Variants in CTNNA3 observed in about 807,000 individuals in gnomAD.
CTNNA3 encodes catenin alpha-3.
Under a neutral mutation model 95.7 loss-of-function variants are expected in CTNNA3, and 76 were observed. The observed-to-expected ratio is 0.79, with a 90% CI of 0.66 to 0.96. The LOEUF is 0.96. Among genes scored for constraint, CTNNA3 ranks in the 40% least tolerant of loss-of-function variants. The probability of loss-of-function intolerance (pLI) is 0.00; values close to 1 mark genes in which losing one functional copy is unlikely to be tolerated. For synonymous variants in CTNNA3, 431 were observed against 374.4 expected, an observed-to-expected ratio of 1.15 and a Z score of -1.74; for missense variants, 1,191 against 1,089.8, an observed-to-expected ratio of 1.09 and a Z score of -1.31.
At chr10:66,464,627 G>A (rs1838828471) in intron 11 of CTNNA3, among the ~76,000 whole-genome samples, 1 of 152,024 alleles carries the variant, frequency 6.6e-6, no homozygotes. Context: ...GCTGGGTGTG[G>A]TGGTGCGTGC....
chr10:67,098,898 G>A (rs1448731744), intron 7 of CTNNA3: 1 of 151,834 alleles, frequency 6.6e-6, no homozygotes, highest in Non-Finnish European at 1.5e-5. Flanking sequence ...ATTTAGAACT[G>A]TGAGACCGGT....
At chr10:67,010,065 T>C (rs993426989) in intron 7 of CTNNA3, among the ~76,000 whole-genome samples, 1 of 152,186 alleles carries the variant, frequency 6.6e-6, no homozygotes, top group African/African-American at 2.4e-5. Context: ...GTCAGGGCTC[T>C]TTAGAACCTT....
At chr10:66,349,380 A>T (rs1294272792) in intron 12 of CTNNA3, among the ~76,000 whole-genome samples, 2 of 152,124 alleles carry the variant, frequency 1.3e-5, no homozygotes, top group Non-Finnish European at 2.9e-5. Context: ...AACTCCAATC[A>T]GAGGACACAG....
intron 17 of CTNNA3, among the ~76,000 whole-genome samples, chr10:65,948,339 C>G (rs1474753259): frequency 6.6e-6 from 1 of 151,716 alleles, no homozygotes; most frequent in Admixed American, 6.6e-5. Flanking sequence ...CATGCACACC[C>G]CCCCCAACAT....
At chr10:67,729,750 T>C (rs1054602728) in intron 1 of CTNNA3, among the ~76,000 whole-genome samples, 1 of 152,136 alleles carries the variant, frequency 6.6e-6, no homozygotes, top group South Asian at 2.1e-4. Context: ...TTTACAGTGA[T>C]TAAAACATTT....
chr10:66,354,187 G>A (rs548236739), intron 12 of CTNNA3, among the ~76,000 whole-genome samples: 3 of 152,046 alleles, frequency 2.0e-5, no homozygotes, highest in Admixed American at 2.0e-4. Flanking sequence ...GGGAGGCTGA[G>A]GCAGGGAGAA....
At chr10:66,808,753 T>C (rs1258164574) in intron 7 of CTNNA3, among the ~76,000 whole-genome samples, 1 of 152,206 alleles carries the variant, frequency 6.6e-6, no homozygotes, top group African/African-American at 2.4e-5. Context: ...GCCATTTTGA[T>C]TATCAGATCC....
intron 5 of CTNNA3, among the ~76,000 whole-genome samples, chr10:67,238,707 C>T (rs1865601696): frequency 6.6e-6 from 1 of 150,830 alleles, no homozygotes; most frequent in Non-Finnish European, 1.5e-5. Context: ...AACTTGATAA[C>T]TTGTTAATGG....
At chr10:66,676,756 G>GA (rs1431590529) in intron 9 of CTNNA3, among the ~76,000 whole-genome samples, 14 of 152,242 alleles carry the variant, frequency 9.2e-5, no homozygotes, top group Non-Finnish European at 1.5e-5. Context: ...GTCAAGAGAT[G>GA]ATTTATTCAA....
At chr10:66,930,962 G>A (rs1419060170) in intron 7 of CTNNA3, among the ~76,000 whole-genome samples, 2 of 152,014 alleles carry the variant, frequency 1.3e-5, no homozygotes, top group East Asian at 1.9e-4. Context: ...TATAATTCTT[G>A]TAGATTTAAT....
chr10:67,271,314 C>G (rs1211335682), intron 5 of CTNNA3, among the ~76,000 whole-genome samples: 1 of 152,126 alleles, frequency 6.6e-6, no homozygotes, highest in Non-Finnish European at 1.5e-5. Context: ...CCATGCTGTT[C>G]TTGTGATAGT....
chr10:66,380,155 TTC>T (rs1425961827), intron 11 of CTNNA3, among the ~76,000 whole-genome samples: 2 of 152,072 alleles, frequency 1.3e-5, no homozygotes, highest in Admixed American at 6.6e-5. Context: ...TTAATTCTCT[TTC>T]TCTCTTTTTT....
chr10:65,986,337 AACT>A (rs1327568038), intron 16 of CTNNA3, among the ~76,000 whole-genome samples: 2 of 143,656 alleles, frequency 1.4e-5, no homozygotes, highest in East Asian at 4.0e-4. Flanking sequence ...AAAAAAAAAA[AACT>A]CTTAGATTTG....
In CTNNA3 at chr10:66,063,296, ATCTC is replaced by A. The variant is rs200628758; in HGVS notation, c.2159+6008_2159+6011del. 8.0e-5 allele frequency among the ~76,000 whole-genome samples: 10 copies of A among 124,274 alleles called. 1 individual carries two copies. The highest frequency in any genetic ancestry group is 1.5e-4 in the Non-Finnish European group (8 of 53,400). The allele number at this position is 124,274 out of a possible 152,430, so 81.5% of individuals were successfully genotyped here. On this transcript the variant is annotated intron_variant, in intron 15 of 17. Transcript: ENST00000433211. Reference sequence around the variant, plus strand: ...TATCCAGTTGGATATGTATGTATAAATCTCTCTCTCTATATATATATATAATATA... The same window carrying A: ...TATCCAGTTGGATATGTATGTATAAATCTCTCTATATATATATATAATATA...
intron 13 of CTNNA3, among the ~76,000 whole-genome samples, chr10:66,194,572 C>T (rs2086851779): frequency 6.6e-6 from 1 of 152,120 alleles, no homozygotes; most frequent in Non-Finnish European, 1.5e-5. Context: ...GAGAGAGAGA[C>T]TCCATCTCAA....
At position 66,510,863 on chromosome 10, in the gene CTNNA3, T is replaced by C. The variant is rs184871768; in HGVS notation, c.1531+9754A>G. 1.6e-3 allele frequency among the ~76,000 whole-genome samples: 248 copies of C among 151,940 alleles called. 1 individual carries two copies. Among genetic ancestry groups the C allele is most frequent in the Middle Eastern group, 3.4e-3 (1 of 294 alleles). On this transcript the variant is annotated intron_variant, in intron 11 of 17. Coordinates refer to ENST00000433211, the MANE Select transcript of CTNNA3 (RefSeq NM_013266.4). ...GGCCCATAGTTTTCTTTTTTTGTTG[T>C]GCCCTTGTCTGGTTTTATTATCAGG... is the stretch of plus-strand genomic sequence containing the variant.
intron 11 of CTNNA3, among the ~76,000 whole-genome samples, chr10:66,456,273 T>C (rs910686696): frequency 2.6e-5 from 4 of 152,168 alleles, no homozygotes; most frequent in Non-Finnish European, 4.4e-5. Flanking sequence ...TCACCCTACC[T>C]AAATTTAAAA....
At chr10:67,315,730 C>CA (rs1264932334) in intron 5 of CTNNA3, among the ~76,000 whole-genome samples, 1 of 151,776 alleles carries the variant, frequency 6.6e-6, no homozygotes, top group East Asian at 1.9e-4. Flanking sequence ...ACAGAACAAA[C>CA]AAAAAATGTA....
intron 6 of CTNNA3, among the ~76,000 whole-genome samples, chr10:67,198,152 A>G (rs762835495): frequency 1.4e-4 from 22 of 152,190 alleles, no homozygotes; most frequent in Non-Finnish European, 2.9e-4. Context: ...TGGCTACTAT[A>G]TTGAACAGCA....
Sources: gnomAD v4.1 joint callset for allele counts (sites outside exome capture counted in the v4.1 genomes callset) on GRCh38, gnomAD v4.1.1 for gene constraint, MANE v1.5 for transcripts, NCBI Gene and HGNC (gene_info 2026-07-23, HGNC 2026-07-21) for gene names.